Variants in PRAC2 observed in about 807,000 individuals in gnomAD.
PRAC2 encodes the protein PRAC2 small nuclear protein.
For synonymous variants in PRAC2, 43 were observed against 49.5 expected, an observed-to-expected ratio of 0.87 and a Z score of 0.55; for missense variants, 92 against 114.5, an observed-to-expected ratio of 0.80 and a Z score of 0.90.
chr17:48,720,048 C>CG (rs1035347036), upstream of PRAC2, among the ~76,000 whole-genome samples: 31 of 152,298 alleles, frequency 2.0e-4, no homozygotes, highest in African/African-American at 7.5e-4. Flanking sequence ...AGGTCTCGGG[C>CG]GGGGGCGACG....
chr17:48,720,171 AGTGCGGGTGT>A (rs558490243), upstream of PRAC2, among the ~76,000 whole-genome samples: 213 of 152,312 alleles, frequency 1.4e-3, no homozygotes, highest in Non-Finnish European at 2.6e-3. Context: ...TTTGGCGAGT[AGTGCGGGTGT>A]GTGCCCGCCT....
At chr17:48,719,446 T>A (rs2038124739), upstream of PRAC2, among the ~76,000 whole-genome samples, 1 of 151,974 alleles carries the variant, frequency 6.6e-6, no homozygotes, top group Non-Finnish European at 1.5e-5. Context: ...CCCGCGGGGC[T>A]CGGCAGCCGC....
chr17:48,721,027 CATT>C (rs2038140186), upstream of PRAC2, among the ~76,000 whole-genome samples: 1 of 152,052 alleles, frequency 6.6e-6, no homozygotes, highest in Non-Finnish European at 1.5e-5. Context: ...TGGGTTTTGT[CATT>C]ATGGGAGGGG....
Position 48,724,417 on chromosome 17 carries a change from A to C in PRAC2, c.7A>C (p.Arg3=). 1 of 1,234,380 alleles carries C rather than the reference A, an allele frequency of 8.1e-7. No homozygotes were observed. The highest frequency in any genetic ancestry group is 3.2e-5 in the East Asian group (1 of 31,696). The allele number at this position is 1,234,380 out of a possible 1,614,324, so 76.5% of individuals were successfully genotyped here. The stretch of plus-strand genomic sequence containing the variant: ...CGAGGAAGATAAAGAAGACATGGAC[A>C]GAAGGCGGATGGCTCTGCGGCCTGG... MD[R]RRMALRPGSR... is the part of the protein sequence containing the mutation. Residue 3 remains arginine, a synonymous_variant, in exon 2 of 2, where the codon AGA becomes CGA. Coordinates refer to ENST00000422730, the MANE Select transcript of PRAC2 (RefSeq NM_001282275.2).
upstream of PRAC2, among the ~76,000 whole-genome samples, chr17:48,719,497 GC>G (rs1180590742): frequency 6.6e-6 from 1 of 152,188 alleles, no homozygotes; most frequent in Non-Finnish European, 1.5e-5. Flanking sequence ...GCGGGCGACA[GC>G]CCCCCGGATA....
chr17:48,722,327 G>A (rs1183191705), upstream of PRAC2: 5 of 1,613,718 alleles, frequency 3.1e-6, no homozygotes, highest in African/African-American at 5.3e-5. Context: ...CCTTATTAGA[G>A]AGAAAAGCAC....
chr17:48,723,752 T>C (rs2143050563), intron 1 of PRAC2: 1 of 1,231,682 alleles, frequency 8.1e-7, no homozygotes, highest in Non-Finnish European at 1.0e-6. Context: ...GGAACCGAGA[T>C]TCAAAAAGAG....
At chr17:48,722,201 T>C, upstream of PRAC2, 1 of 870,556 alleles carries the variant, frequency 1.1e-6, no homozygotes, top group Non-Finnish European at 1.8e-6. Flanking sequence ...CTTCCCTTGT[T>C]TCCCAAAACT....
chr17:48,721,896 T>C, upstream of PRAC2: 1 of 1,510,566 alleles, frequency 6.6e-7, no homozygotes, highest in South Asian at 1.3e-5. Flanking sequence ...AAAGTAGATG[T>C]TTTCTAAAAT....
chr17:48,724,239 C>T, intron 1 of PRAC2, 89 bp from the exon 2 acceptor site: 1 of 576,038 alleles, frequency 1.7e-6, no homozygotes, highest in Non-Finnish European at 2.6e-6. Flanking sequence ...TCAATGTGGT[C>T]GTCCAGGGAT....
chr17:48,721,614 T>C (rs2038145290), upstream of PRAC2: 2 of 482,538 alleles, frequency 4.1e-6, no homozygotes, highest in Non-Finnish European at 6.8e-6. Flanking sequence ...CATGAGCCAC[T>C]ATGCCTGGCC....
intron 1 of PRAC2, chr17:48,723,780 T>A: frequency 8.1e-7 from 1 of 1,231,244 alleles, no homozygotes; most frequent in Non-Finnish European, 1.0e-6. Flanking sequence ...AGGTAGTTTC[T>A]ACGCATTGCG....
At chr17:48,719,321 C>A (rs2038123825), upstream of PRAC2, among the ~76,000 whole-genome samples, 1 of 152,208 alleles carries the variant, frequency 6.6e-6, no homozygotes, top group Non-Finnish European at 1.5e-5. Flanking sequence ...TGGAAAGACG[C>A]GCCGGTTTCC....
upstream of PRAC2, chr17:48,723,143 C>G (rs954241634): frequency 3.9e-5 from 6 of 151,918 alleles, no homozygotes; most frequent in Non-Finnish European, 7.3e-5. Flanking sequence ...GGGGGAGGGG[C>G]GGGGTGTCCT....
chr17:48,724,033 G>A lies in PRAC2; in HGVS notation c.-83-295G>A, dbSNP rs376873610. Among the ~76,000 whole-genome samples, 21 of 152,352 alleles carry A rather than the reference G, an allele frequency of 1.4e-4. No homozygotes were observed. The South Asian group carries it at 3.1e-3, about 23-fold the overall frequency. The stretch of plus-strand genomic sequence containing the variant: ...CTTATTTTCCGGAGTATATGTGTGT[G>A]CCTCTGCGTTTATTCGTCTGTGAGC... On this transcript the variant is annotated intron_variant, in intron 1 of 1. Coordinates refer to ENST00000422730, the MANE Select transcript of PRAC2 (RefSeq NM_001282275.2).
At chr17:48,721,773 T>G (rs954583962), upstream of PRAC2, 9 of 1,482,940 alleles carry the variant, frequency 6.1e-6, no homozygotes, top group African/African-American at 7.1e-5. Flanking sequence ...CTTGCTACAT[T>G]GCCCAGGCTG....
At chr17:48,719,754 T>G (rs1485812316), upstream of PRAC2, among the ~76,000 whole-genome samples, 7 of 152,224 alleles carry the variant, frequency 4.6e-5, no homozygotes, top group Admixed American at 4.6e-4. Flanking sequence ...TGGCCTGACT[T>G]GCCGGATGGC....
chr17:48,719,449 G>T (rs1293713008), upstream of PRAC2, among the ~76,000 whole-genome samples: 2 of 152,134 alleles, frequency 1.3e-5, no homozygotes, highest in East Asian at 3.9e-4. Flanking sequence ...GCGGGGCTCG[G>T]CAGCCGCCCT....
At chr17:48,718,833 G>C (rs982312675), upstream of PRAC2, among the ~76,000 whole-genome samples, 1 of 152,198 alleles carries the variant, frequency 6.6e-6, no homozygotes, top group Non-Finnish European at 1.5e-5. Flanking sequence ...CAAATTGGTG[G>C]GGACGGGTAG....
Sources: allele counts gnomAD v4.1 joint callset (sites outside exome capture counted in the v4.1 genomes callset), GRCh38; gene constraint gnomAD v4.1.1; transcripts MANE v1.5; gene names NCBI Gene and HGNC (gene_info 2026-07-23, HGNC 2026-07-21).